BICD1: variants seen among roughly 807,000 people sequenced by gnomAD.
BICD1 encodes protein bicaudal D homolog 1.
BICD1 carries 35 observed loss-of-function variants against 92.5 expected under a neutral mutation model. That is an observed-to-expected ratio of 0.38 (90% confidence interval 0.29 to 0.50). The LOEUF is 0.50. BICD1 is among the 20% of genes least tolerant of loss of function. The pLI, the probability that BICD1 is intolerant of heterozygous loss-of-function variation, is 0.93. For missense variants in BICD1, 950 were observed against 1,189.8 expected, an observed-to-expected ratio of 0.80 and a Z score of 2.97; for synonymous variants, 429 against 465.1, an observed-to-expected ratio of 0.92 and a Z score of 1.00.
intron 8 of BICD1, among the ~76,000 whole-genome samples, chr12:32,356,825 G>C (rs1166463502): frequency 1.3e-5 from 2 of 152,092 alleles, no homozygotes; most frequent in Non-Finnish European, 2.9e-5. Context: ...TTCTATAACT[G>C]TGCAACTTTT....
intron 8 of BICD1, among the ~76,000 whole-genome samples, chr12:32,344,957 T>C (rs1056898290): frequency 6.6e-6 from 1 of 152,186 alleles, no homozygotes; most frequent in African/African-American, 2.4e-5. Flanking sequence ...TGGGCACTTC[T>C]TGATGTCAGA....
intron 1 of BICD1, among the ~76,000 whole-genome samples, chr12:32,141,823 T>G (rs1280137513): frequency 6.6e-6 from 1 of 152,102 alleles, no homozygotes; most frequent in Non-Finnish European, 1.5e-5. Context: ...AAGCCAGTGG[T>G]TTTCTAGCCT....
chr12:32,134,971 G>A (rs186245294), intron 1 of BICD1, among the ~76,000 whole-genome samples: 1 of 152,026 alleles, frequency 6.6e-6, no homozygotes, highest in East Asian at 1.9e-4. Context: ...ATTTCACAGA[G>A]CCTTGGGCCC....
intron 1 of BICD1, among the ~76,000 whole-genome samples, chr12:32,173,844 G>A (rs975082262): frequency 6.6e-6 from 1 of 152,054 alleles, no homozygotes; most frequent in Non-Finnish European, 1.5e-5. Context: ...AACATTTTTT[G>A]GATAAATGAA....
At chr12:32,194,038 G>T (rs1944650624) in intron 1 of BICD1, among the ~76,000 whole-genome samples, 1 of 152,126 alleles carries the variant, frequency 6.6e-6, no homozygotes, top group African/African-American at 2.4e-5. Flanking sequence ...TGCAAGGATG[G>T]TTCAAATATA....
At chr12:32,306,761 T>A (rs1222077526) in intron 4 of BICD1, among the ~76,000 whole-genome samples, 1 of 150,820 alleles carries the variant, frequency 6.6e-6, no homozygotes, top group East Asian at 2.0e-4. Flanking sequence ...ACACCTGTAA[T>A]CCCAGCACTT....
intron 2 of BICD1, among the ~76,000 whole-genome samples, chr12:32,280,944 A>G (rs1479596250): frequency 2.0e-5 from 3 of 152,250 alleles, no homozygotes; most frequent in Non-Finnish European, 4.4e-5. Context: ...AGTTTAGCGA[A>G]TGGTGCATAC....
chr12:32,247,376 G>T (rs1038682070), intron 2 of BICD1, among the ~76,000 whole-genome samples: 2 of 152,176 alleles, frequency 1.3e-5, no homozygotes, highest in African/African-American at 2.4e-5. Context: ...GACATTTTAA[G>T]CCATGGGCTT....
At chr12:32,221,263 A>T (rs140623042) in intron 2 of BICD1, among the ~76,000 whole-genome samples, 2,543 of 150,158 alleles carry the variant, frequency 0.017, 66 homozygotes, top group African/African-American at 0.055. Flanking sequence ...ATTAAAAATT[A>T]AAAAATTTAA....
intron 1 of BICD1, among the ~76,000 whole-genome samples, chr12:32,159,898 G>A (rs1221093238): frequency 8.6e-6 from 1 of 116,042 alleles, no homozygotes; most frequent in East Asian, 2.9e-4. Flanking sequence ...GCCTGCCTTG[G>A]ACCCAGAGCT....
At chr12:32,189,401 C>G (rs543901027) in intron 1 of BICD1, among the ~76,000 whole-genome samples, 5 of 152,302 alleles carry the variant, frequency 3.3e-5, no homozygotes, top group Non-Finnish European at 7.4e-5. Context: ...CCTCTTCCTC[C>G]TACTCCCTAT....
intron 2 of BICD1, among the ~76,000 whole-genome samples, chr12:32,259,636 A>G (rs571470715): frequency 7.2e-5 from 11 of 152,286 alleles, no homozygotes; most frequent in Non-Finnish European, 1.3e-4. Flanking sequence ...TGGCAACACA[A>G]TGGGCCACAC....
At chr12:32,166,134 A>ATTTT in intron 1 of BICD1, among the ~76,000 whole-genome samples, 1 of 31,822 alleles carries the variant, frequency 3.1e-5, no homozygotes, top group South Asian at 7.1e-4. Context: ...TTATTTATTT[A>ATTTT]TTTATTTATT....
intron 8 of BICD1, among the ~76,000 whole-genome samples, chr12:32,348,725 T>A (rs1391037938): frequency 0.3 from 404 of 1,326 alleles, 3 homozygotes; most frequent in Non-Finnish European, 0.35. Context: ...CACACAAAAA[T>A]ATATATATAT....
chr12:32,116,494 CTCTCTCTCTCTCTCTCTATATA>C (rs1490908216), intron 1 of BICD1, among the ~76,000 whole-genome samples: 45 of 72,358 alleles, frequency 6.2e-4, no homozygotes, highest in African/African-American at 2.1e-3. Flanking sequence ...CTCTCTCTTT[CTCTCTCTCTCTCTCTCTATATA>C]TATATATATA....
chr12:32,301,134 G>A (rs1948033877), intron 3 of BICD1, among the ~76,000 whole-genome samples: 1 of 152,144 alleles, frequency 6.6e-6, no homozygotes, highest in African/African-American at 2.4e-5. Context: ...CACCTGCAAA[G>A]CAGTAAATCA....
intron 2 of BICD1, among the ~76,000 whole-genome samples, chr12:32,217,344 C>T (rs60062551): frequency 0.12 from 17,832 of 152,158 alleles, 1,334 homozygotes; most frequent in African/African-American, 0.21. Context: ...TGAAAATATT[C>T]TTCAATATTG....
At chr12:32,370,187 T>C (rs1024163612) in intron 9 of BICD1, among the ~76,000 whole-genome samples, 3 of 151,946 alleles carry the variant, frequency 2.0e-5, no homozygotes, top group Admixed American at 2.0e-4. Flanking sequence ...GCCAACATGG[T>C]GAAACCCCGT....
chr12:32,175,339 TG>T (rs1347638263), intron 1 of BICD1, among the ~76,000 whole-genome samples: 1 of 152,102 alleles, frequency 6.6e-6, no homozygotes, highest in African/African-American at 2.4e-5. Flanking sequence ...TCTTCTGAAA[TG>T]GGGTTTTGCT....
Sources: gnomAD v4.1 joint callset for allele counts (sites outside exome capture counted in the v4.1 genomes callset) on GRCh38, gnomAD v4.1.1 for gene constraint, MANE v1.5 for transcripts, NCBI Gene and HGNC (gene_info 2026-07-23, HGNC 2026-07-21) for gene names.